Variants in PCNX1 observed in about 807,000 individuals in gnomAD.
The protein encoded by PCNX1 is pecanex 1, also known as pecanex-like protein 1.
A neutral mutation model predicts 242.2 loss-of-function variants in PCNX1; 78 were observed. That is an observed-to-expected ratio of 0.32 (90% CI 0.27 to 0.39). PCNX1 has a LOEUF of 0.39. PCNX1 is among the 10% of genes least tolerant of loss of function. PCNX1 has a pLI of 1.00. For missense variants in PCNX1, 2,581 were observed against 2,856.5 expected (o/e 0.90, Z 2.20); for synonymous variants, 1,024 against 1,032.9 (o/e 0.99, Z 0.17).
intron 6 of PCNX1, 46 bp downstream of exon 6, chr14:70,978,694 T>A: frequency 6.6e-7 from 1 of 1,507,970 alleles, no homozygotes; most frequent in East Asian, 2.3e-5. Flanking sequence ...CACTGCTTTT[T>A]CATACTATTA....
chr14:71,030,059 A>C (rs1215504426), intron 16 of PCNX1, among the ~76,000 whole-genome samples: 1 of 152,206 alleles, frequency 6.6e-6, no homozygotes, highest in Non-Finnish European at 1.5e-5. Context: ...ACAGTTTTCC[A>C]AAGTCGTTGT....
chr14:71,002,089 C>A (rs542272275), intron 8 of PCNX1, among the ~76,000 whole-genome samples: 2 of 152,294 alleles, frequency 1.3e-5, no homozygotes, highest in East Asian at 3.9e-4. Flanking sequence ...AGAAGCCCAG[C>A]AGAAATTCAG....
intron 2 of PCNX1, among the ~76,000 whole-genome samples, chr14:70,957,834 G>GTA (rs537672358): frequency 2.2e-3 from 301 of 139,698 alleles, no homozygotes; most frequent in Non-Finnish European, 3.8e-3. Flanking sequence ...GTATGTGTGT[G>GTA]TATATATATA....
At chr14:71,093,883 T>C (rs1043493674) in intron 30 of PCNX1, 5 of 152,236 alleles carry the variant, frequency 3.3e-5, no homozygotes, top group Non-Finnish European at 5.9e-5. Flanking sequence ...TTTCTTAATA[T>C]TTTCTTTTCT....
chr14:70,977,316 G>A lies in PCNX1; in HGVS notation c.979G>A (p.Glu327Lys), dbSNP rs781350548. 2 of 1,614,204 alleles carry A rather than the reference G, an allele frequency of 1.2e-6. No individual in the cohort carries two copies. ...ESSKPLSGSK[E>K]SLVENSGLSG... is the part of the protein sequence containing the mutation. ...TTCCAAGCCTCTTTCTGGATCCAAAGAATCCTTGGTGGAAAATTCTGGTTT... is the reference window on the plus strand; with the variant it reads ...TTCCAAGCCTCTTTCTGGATCCAAAAAATCCTTGGTGGAAAATTCTGGTTT... The change falls in exon 6 of 36, where the codon GAA becomes AAA. Residue 327 changes from glutamate to lysine, a missense_variant. By Grantham distance (56) the Glu-to-Lys change is moderately conservative. Around this residue, in one of 9 missense-constraint regions of PCNX1, gnomAD observed 1,204 missense variants for 1,216.7 expected, o/e 0.99. Transcript: ENST00000304743.
At chr14:71,041,136 A>C (rs1214688624) in intron 19 of PCNX1, among the ~76,000 whole-genome samples, 1 of 152,182 alleles carries the variant, frequency 6.6e-6, no homozygotes, top group Admixed American at 6.5e-5. Context: ...TGCAACAAAC[A>C]TGAGTACAGA....
Position 71,076,268 on chromosome 14 carries a change from T to A in PCNX1, c.5186T>A (p.Leu1729Gln), listed in dbSNP as rs1212531192. The change falls in exon 28 of 36, where the codon CTG (leucine) becomes CAG (glutamine). Residue 1729 changes from leucine to glutamine, a missense_variant. Leu to Gln is a moderately radical substitution (Grantham distance 113, BLOSUM62 -2). Coordinates refer to ENST00000304743, the MANE Select transcript of PCNX1 (RefSeq NM_014982.3). ...ANETMQEGLR[L>Q]CADRNYVDVD... is the part of the protein sequence containing the mutation. ...GAGACAATGCAGGAAGGACTTCGTC[T>A]GTGTGCTGATCGCAATTATGTCGAT... is the stretch of plus-strand genomic sequence containing the variant. The A allele has an allele frequency of 6.2e-7, 1 of 1,614,096 alleles. No homozygotes were observed. Among genetic ancestry groups the A allele is most frequent in the African/African-American group, 1.3e-5 (1 of 75,030 alleles).
At chr14:70,949,269 G>GCACACGTGTATACACACACGTGTGCA (rs1566608380) in intron 2 of PCNX1, among the ~76,000 whole-genome samples, 362 of 27,802 alleles carry the variant, frequency 0.013, no homozygotes, top group African/African-American at 0.035. Context: ...ACACGTGTAT[G>GCACACGTGTATACACACACGTGTGCA]CACACACGTG....
intron 28 of PCNX1, among the ~76,000 whole-genome samples, chr14:71,083,381 G>A (rs1356193561): frequency 6.6e-6 from 1 of 152,108 alleles, no homozygotes; most frequent in African/African-American, 2.4e-5. Flanking sequence ...TGTATTTCCT[G>A]AATCTGAATG....
At chr14:70,989,894 A>T (rs920058492) in intron 7 of PCNX1, among the ~76,000 whole-genome samples, 6 of 152,202 alleles carry the variant, frequency 3.9e-5, no homozygotes, top group Non-Finnish European at 7.3e-5. Context: ...TATACAAAAT[A>T]CTTTCATTAG....
chr14:71,097,185 G>C (rs144096368), intron 30 of PCNX1, among the ~76,000 whole-genome samples: 1 of 152,088 alleles, frequency 6.6e-6, no homozygotes. Flanking sequence ...TGGTGTATAC[G>C]TACCTCATTT....
intron 1 of PCNX1, among the ~76,000 whole-genome samples, chr14:70,945,134 G>GC (rs2057406322): frequency 6.6e-6 from 1 of 152,172 alleles, no homozygotes; most frequent in Non-Finnish European, 1.5e-5. Flanking sequence ...CTGGAAACCA[G>GC]CCCCGGCTCC....
At position 71,019,159 on chromosome 14, in the gene PCNX1, T is replaced by C; in HGVS notation, c.3147T>C (p.Leu1049=). Residue 1049 remains leucine (L), a synonymous_variant, in exon 12 of 36, where the codon CTT becomes CTC. Transcript: ENST00000304743. ...LVIASCQYSL[L]KSVQPDSSSP... ...TAGCCAGCTGTCAATACTCACTGCT[T>C]AAGGTACCAGCATCTCTTCTTTTCA... 1 of 1,605,358 alleles carries C rather than the reference T, an allele frequency of 6.2e-7. No homozygotes were observed. The highest frequency in any genetic ancestry group is 1.1e-5 in the South Asian group (1 of 88,958).
chr14:70,969,519 T>C (rs2058477839), intron 5 of PCNX1, among the ~76,000 whole-genome samples: 1 of 152,192 alleles, frequency 6.6e-6, no homozygotes, highest in African/African-American at 2.4e-5. Flanking sequence ...AAAACAGCAA[T>C]AAGTTTTGAC....
rs1326830486 is a variant in PCNX1, at chr14:71,112,114, A to G, written c.*2179A>G. 1 of 152,480 alleles carries G rather than the reference A, an allele frequency of 6.6e-6. No individual in the cohort carries two copies. Among genetic ancestry groups the G allele is most frequent in the Non-Finnish European group, 1.5e-5 (1 of 67,928 alleles). The allele number at this position is 152,480 out of a possible 1,614,324, so 9.4% of individuals were successfully genotyped here. ...TATGATCTTTTCATGGTCATTGCCTAGATAAAAGTAGAGCCTTTTCAATCT... is the reference window on the plus strand; with the variant it reads ...TATGATCTTTTCATGGTCATTGCCTGGATAAAAGTAGAGCCTTTTCAATCT... On this transcript the variant is annotated 3_prime_UTR_variant, in exon 36 of 36. Coordinates refer to ENST00000304743, the MANE Select transcript of PCNX1 (RefSeq NM_014982.3).
At chr14:70,965,851 A>G (rs971007158) in intron 3 of PCNX1, among the ~76,000 whole-genome samples, 1 of 152,138 alleles carries the variant, frequency 6.6e-6, no homozygotes, top group African/African-American at 2.4e-5. Context: ...GGTATCCATA[A>G]TCCTTCCTAT....
At chr14:70,929,311 A>C (rs1017149838) in intron 1 of PCNX1, among the ~76,000 whole-genome samples, 4 of 151,786 alleles carry the variant, frequency 2.6e-5, no homozygotes, top group African/African-American at 9.7e-5. Context: ...ATATGACTAT[A>C]TATATTTGAT....
At chr14:71,054,965 A>G (rs544196962) in intron 24 of PCNX1, among the ~76,000 whole-genome samples, 41 of 152,298 alleles carry the variant, frequency 2.7e-4, no homozygotes, top group African/African-American at 9.4e-4. Context: ...CTTACCTACC[A>G]TTGCTTTAGT....
chr14:71,028,888 C>T (rs1017319017), intron 16 of PCNX1, 97 bp downstream of exon 16: 8 of 641,882 alleles, frequency 1.2e-5, no homozygotes, highest in South Asian at 7.0e-5. Flanking sequence ...CCCCTGGTAT[C>T]GCTTAGCATT....
Sources: gnomAD v4.1 joint callset for allele counts (sites outside exome capture counted in the v4.1 genomes callset) on GRCh38, gnomAD v4.1.1 for gene constraint, gnomAD v4.1.1 regional missense constraint, MANE v1.5 for transcripts, NCBI Gene and HGNC (gene_info 2026-07-23, HGNC 2026-07-21) for gene names.